C1orf146: variants seen among roughly 807,000 people sequenced by gnomAD.
C1orf146 encodes chromosome 1 open reading frame 146, also known as protein SPO16 homolog.
C1orf146 carries 22 observed loss-of-function variants against 23.0 expected under a neutral mutation model. That is an observed-to-expected ratio of 0.96 (90% CI 0.68 to 1.36). The LOEUF (loss-of-function observed/expected upper bound fraction) is 1.36. Among genes scored for constraint, C1orf146 ranks in the 40% most tolerant of loss-of-function variants. C1orf146 has a pLI of 0.00. For missense variants in C1orf146, 199 were observed against 206.8 expected (o/e 0.96, Z 0.23); for synonymous variants, 59 against 65.3 (o/e 0.90, Z 0.47).
intron 2 of C1orf146, among the ~76,000 whole-genome samples, chr1:92,241,442 T>G (rs183543590): frequency 6.6e-6 from 1 of 151,922 alleles, no homozygotes; most frequent in South Asian, 2.1e-4. Flanking sequence ...ACTCAAATGA[T>G]CCACCAGCCT....
chr1:92,221,883 A>G (rs1651825157), intron 1 of C1orf146, among the ~76,000 whole-genome samples: 1 of 152,186 alleles, frequency 6.6e-6, no homozygotes, highest in Non-Finnish European at 1.5e-5. Context: ...CTTCTGACAC[A>G]ACAGAATTTG....
At chr1:92,243,559 C>A (rs1431548708) in intron 3 of C1orf146, among the ~76,000 whole-genome samples, 14 of 152,250 alleles carry the variant, frequency 9.2e-5, no homozygotes, top group African/African-American at 3.4e-4. Flanking sequence ...GTTGGTCAGG[C>A]TGGTCTCGAA....
chr1:92,221,304 C>A (rs1210612259), intron 1 of C1orf146, among the ~76,000 whole-genome samples: 2 of 151,978 alleles, frequency 1.3e-5, no homozygotes, highest in African/African-American at 4.8e-5. Context: ...CATAAAGATA[C>A]AAACAATAGA....
intron 1 of C1orf146, 144 bp downstream of exon 1, chr1:92,218,192 C>A (rs1030607040): frequency 2.6e-5 from 4 of 152,174 alleles, no homozygotes; most frequent in Non-Finnish European, 5.9e-5. Flanking sequence ...GGGAGGAGAT[C>A]CTGCCCACCC....
At chr1:92,232,869 G>A (rs979260218) in intron 2 of C1orf146, among the ~76,000 whole-genome samples, 4 of 152,116 alleles carry the variant, frequency 2.6e-5, no homozygotes, top group Non-Finnish European at 5.9e-5. Flanking sequence ...GTGATGGTGA[G>A]CATTTTTTCA....
chr1:92,218,760 A>G (rs1651746791), intron 1 of C1orf146, among the ~76,000 whole-genome samples: 2 of 151,066 alleles, frequency 1.3e-5, no homozygotes, highest in East Asian at 3.9e-4. Flanking sequence ...CTCAGCGTTC[A>G]CCTCCCGTTT....
At position 92,240,113 on chromosome 1, in the gene C1orf146, C is replaced by T. The variant is rs538518122; in HGVS notation, c.67-2099C>T. Among the ~76,000 whole-genome samples, 138 of 152,304 alleles carry T rather than the reference C, an allele frequency of 9.1e-4. 1 individual carries two copies. Among genetic ancestry groups the T allele is most frequent in the African/African-American group, 3.3e-3 (136 of 41,558 alleles). On this transcript the variant is annotated intron_variant, in intron 2 of 5. Coordinates refer to ENST00000370375, the MANE Select transcript of C1orf146 (RefSeq NM_001012425.2). Reference sequence around the variant, plus strand: ...TGCTTCTGCAAGGTGCTTGGAAGCACTAGTAATTCACTTATCACCTTAATA... The same window carrying T: ...TGCTTCTGCAAGGTGCTTGGAAGCATTAGTAATTCACTTATCACCTTAATA...
intron 1 of C1orf146, among the ~76,000 whole-genome samples, chr1:92,218,364 C>T (rs1187281907): frequency 6.6e-6 from 1 of 152,018 alleles, no homozygotes; most frequent in East Asian, 1.9e-4. Context: ...TGTAGGCCGG[C>T]GCCTCACTGG....
chr1:92,231,408 G>T lies in C1orf146; in HGVS notation c.-13G>T, dbSNP rs573308189. On this transcript the variant is annotated 5_prime_UTR_variant, in exon 2 of 6. Coordinates refer to ENST00000370375, the MANE Select transcript of C1orf146 (RefSeq NM_001012425.2). ...TTGTTGCACCATTAGAAGCTAGGTT[G>T]ATCCACAGACAGATGGCTGAAAGTG... 6.3e-7 allele frequency: 1 copy of T among 1,590,636 alleles called. No homozygotes were observed. Among genetic ancestry groups the T allele is most frequent in the Admixed American group, 1.8e-5 (1 of 56,902 alleles).
rs764438167 is a variant in C1orf146, at chr1:92,244,316, GT to G, written c.266del (p.Leu89TrpfsTer15). 6 of 1,611,382 alleles carry G rather than the reference GT, an allele frequency of 3.7e-6. No individual in the cohort carries two copies. The South Asian group carries it at 4.4e-5, about 12-fold the overall frequency. On this transcript the variant is annotated frameshift_variant, in exon 4 of 6. Coordinates refer to ENST00000370375, the MANE Select transcript of C1orf146 (RefSeq NM_001012425.2). LOFTEE classifies it high-confidence loss of function. The stretch of plus-strand genomic sequence containing the variant: ...AAATTTATTAACATTCACCAAAATA[GT>G]TTTTTGGTTTTGTCTGCTGCCCTCC... ...IEKFINIHQN[S>X]FLVLSAALHG...
chr1:92,238,193 CA>C (rs1449473188), intron 2 of C1orf146, among the ~76,000 whole-genome samples: 1 of 152,148 alleles, frequency 6.6e-6, no homozygotes, highest in East Asian at 1.9e-4. Flanking sequence ...CGATGGCTTC[CA>C]AAAGTGCTGG....
intron 1 of C1orf146, among the ~76,000 whole-genome samples, chr1:92,228,169 A>G (rs767488522): frequency 6.6e-6 from 1 of 152,106 alleles, no homozygotes; most frequent in Non-Finnish European, 1.5e-5. Flanking sequence ...TCTTTAACCT[A>G]TCCATTAAAT....
intron 2 of C1orf146, among the ~76,000 whole-genome samples, chr1:92,232,379 G>A (rs935307620): frequency 2.3e-4 from 35 of 151,448 alleles, no homozygotes; most frequent in African/African-American, 3.4e-4. Context: ...TTGTCCTTGC[G>A]ATAGTTTGCT....
chr1:92,242,243 G>A lies in C1orf146; in HGVS notation c.98G>A (p.Arg33Gln), dbSNP rs753716244. The change falls in exon 3 of 6, where the codon CGA becomes CAA. Residue 33 changes from arginine (R) to glutamine (Q), a missense_variant. By Grantham distance (43) the Arg-to-Gln change is conservative. Transcript: ENST00000370375. The part of the protein sequence containing the change: ...SYEVATALEN[R>Q]SHKVRYSDSV... ...GAAGTTGCAACTGCCCTAGAAAATC[G>A]AAGCCACAAAGTTCGATATTCAGAT... 31 of 1,599,090 alleles carry A rather than the reference G, an allele frequency of 1.9e-5. No individual in the cohort carries two copies. Among genetic ancestry groups the A allele is most frequent in the South Asian group, 4.5e-5 (4 of 88,194 alleles).
chr1:92,235,733 G>A (rs1652259067), intron 2 of C1orf146, among the ~76,000 whole-genome samples: 1 of 152,162 alleles, frequency 6.6e-6, no homozygotes, highest in Admixed American at 6.6e-5. Flanking sequence ...CATTATTAGT[G>A]TGTGGGCGTC....
intron 1 of C1orf146, among the ~76,000 whole-genome samples, chr1:92,230,488 C>T (rs531417860): frequency 1.1e-4 from 16 of 151,744 alleles, no homozygotes; most frequent in Admixed American, 5.3e-4. Flanking sequence ...TGGTGGGGGG[C>T]GCCTGTGTTT....
At chr1:92,242,951 C>T (rs1289788585) in intron 3 of C1orf146, among the ~76,000 whole-genome samples, 1 of 152,144 alleles carries the variant, frequency 6.6e-6, no homozygotes, top group African/African-American at 2.4e-5. Flanking sequence ...GGAAGACAAG[C>T]ACATTCAAAA....
chr1:92,221,368 T>C (rs1651813866), intron 1 of C1orf146, among the ~76,000 whole-genome samples: 1 of 152,154 alleles, frequency 6.6e-6, no homozygotes, highest in Non-Finnish European at 1.5e-5. Context: ...GCTGAAAAAC[T>C]ACCTTTTGGG....
chr1:92,219,268 A>G (rs1651761519), intron 1 of C1orf146, among the ~76,000 whole-genome samples: 1 of 152,168 alleles, frequency 6.6e-6, no homozygotes, highest in Non-Finnish European at 1.5e-5. Context: ...TTGAGTGTCT[A>G]CTGAGTGCCA....
Sources: gnomAD v4.1 joint callset for allele counts (sites outside exome capture counted in the v4.1 genomes callset) on GRCh38, gnomAD v4.1.1 for gene constraint, MANE v1.5 for transcripts, NCBI Gene and HGNC (gene_info 2026-07-23, HGNC 2026-07-21) for gene names.